HPSE2: variants seen among roughly 807,000 people sequenced by gnomAD.
The protein encoded by HPSE2 is heparanase 2 (inactive).
HPSE2 carries 38 observed loss-of-function variants against 60.5 expected under a neutral mutation model. The ratio of observed to expected loss-of-function variants is 0.63; its 90% CI spans 0.48 to 0.82. The LOEUF (loss-of-function observed/expected upper bound fraction) is 0.82, where lower values mean the gene tolerates loss of function less well. Among genes scored for constraint, HPSE2 ranks in the 40% least tolerant of loss-of-function variants. The pLI is 0.00. For synonymous variants in HPSE2, 295 were observed against 293.2 expected, an observed-to-expected ratio of 1.01 and a Z score of -0.06; for missense variants, 713 against 740.4, an observed-to-expected ratio of 0.96 and a Z score of 0.43.
chr10:98,670,722 T>C (rs777233602), intron 6 of HPSE2, among the ~76,000 whole-genome samples: 28 of 152,352 alleles, frequency 1.8e-4, no homozygotes, highest in Non-Finnish European at 3.5e-4. Flanking sequence ...ATTCCAGACA[T>C]TGTATAGAAG....
At chr10:99,271,511 G>T in the HPSE2 span, among the ~76,000 whole-genome samples, 1 of 152,118 alleles carries the variant, frequency 6.6e-6, no homozygotes, top group Non-Finnish European at 1.5e-5. Context: ...CAAACAAATG[G>T]AAACACATCC....
intron 1 of HPSE2, among the ~76,000 whole-genome samples, chr10:99,232,804 G>C (rs891085231): frequency 6.6e-6 from 1 of 152,270 alleles, no homozygotes; most frequent in Non-Finnish European, 1.5e-5. Flanking sequence ...TTCATAGAGT[G>C]TTTGTATGGG....
chr10:98,911,536 T>C (rs976173689), intron 3 of HPSE2, among the ~76,000 whole-genome samples: 2 of 152,062 alleles, frequency 1.3e-5, no homozygotes, highest in African/African-American at 4.8e-5. Flanking sequence ...ACAGAGACAT[T>C]AAGCATTCAC....
chr10:98,886,636 C>G (rs1953174070), intron 3 of HPSE2, among the ~76,000 whole-genome samples: 1 of 152,004 alleles, frequency 6.6e-6, no homozygotes, highest in Non-Finnish European at 1.5e-5. Flanking sequence ...TTCACTGATT[C>G]AACAAAGAAT....
At chr10:98,468,839 G>A (rs564878317) in intron 11 of HPSE2, among the ~76,000 whole-genome samples, 2 of 152,048 alleles carry the variant, frequency 1.3e-5, no homozygotes, top group Non-Finnish European at 2.9e-5. Context: ...CTGTTCCCTT[G>A]CCCTTCCAAC....
At chr10:98,735,052 A>T (rs1478251941) in intron 4 of HPSE2, among the ~76,000 whole-genome samples, 2 of 152,090 alleles carry the variant, frequency 1.3e-5, no homozygotes, top group Non-Finnish European at 2.9e-5. Flanking sequence ...CGTGTTATAC[A>T]GTTGTGTGAG....
chr10:99,038,737 G>T (rs573881965), intron 3 of HPSE2, among the ~76,000 whole-genome samples: 7 of 152,066 alleles, frequency 4.6e-5, no homozygotes, highest in Admixed American at 2.6e-4. Flanking sequence ...TCGGGAAGCC[G>T]GGTGAAGGAT....
At chr10:99,010,334 T>A (rs1469698097) in intron 3 of HPSE2, among the ~76,000 whole-genome samples, 1 of 152,318 alleles carries the variant, frequency 6.6e-6, no homozygotes. Context: ...TGTTTGAGAA[T>A]CTTCACCTTT....
At chr10:98,565,208 G>T (rs552841694) in intron 9 of HPSE2, among the ~76,000 whole-genome samples, 1 of 151,298 alleles carries the variant, frequency 6.6e-6, no homozygotes, top group Non-Finnish European at 1.5e-5. Flanking sequence ...CGCAGAACAT[G>T]CAGGTTTGCT....
chr10:98,907,029 T>G (rs1411163363), intron 3 of HPSE2, among the ~76,000 whole-genome samples: 1 of 152,222 alleles, frequency 6.6e-6, no homozygotes, highest in East Asian at 1.9e-4. Flanking sequence ...GCACGTAATC[T>G]TATTTAAATT....
At chr10:98,930,381 A>C (rs1954610714) in intron 3 of HPSE2, among the ~76,000 whole-genome samples, 1 of 144,346 alleles carries the variant, frequency 6.9e-6, no homozygotes, top group South Asian at 2.1e-4. Context: ...TATCCAGTCT[A>C]TCATTGATGA....
At chr10:98,723,611 C>G (rs11189774) in intron 4 of HPSE2, among the ~76,000 whole-genome samples, 22,204 of 152,054 alleles carry the variant, frequency 0.15, 1,971 homozygotes, top group Admixed American at 0.23. Context: ...TTTCTGATTG[C>G]TAAGCTCTTA....
intron 3 of HPSE2, among the ~76,000 whole-genome samples, chr10:99,099,035 AACAGCTCCAGTCT>A (rs1367831310): frequency 6.6e-6 from 1 of 152,206 alleles, no homozygotes; most frequent in African/African-American, 2.4e-5. Context: ...GCCAAATAGG[AACAGCTCCAGTCT>A]ACAGCTCCCA....
the HPSE2 span, among the ~76,000 whole-genome samples, chr10:99,309,985 T>G: frequency 6.6e-6 from 1 of 152,344 alleles, no homozygotes; most frequent in Non-Finnish European, 1.5e-5. Flanking sequence ...AAGTATCAAG[T>G]GGACCACACT....
chr10:98,921,177 T>C (rs1243659068), intron 3 of HPSE2, among the ~76,000 whole-genome samples: 2 of 152,180 alleles, frequency 1.3e-5, no homozygotes, highest in Non-Finnish European at 2.9e-5. Context: ...CATATGCTTG[T>C]TGTTAGGACT....
intron 3 of HPSE2, among the ~76,000 whole-genome samples, chr10:99,023,572 A>G (rs1429356809): frequency 6.6e-6 from 1 of 152,136 alleles, no homozygotes; most frequent in Non-Finnish European, 1.5e-5. Flanking sequence ...TTCAGGACTG[A>G]CCCAGCACAG....
intron 6 of HPSE2, among the ~76,000 whole-genome samples, chr10:98,689,357 G>A (rs1948014321): frequency 6.6e-6 from 1 of 151,966 alleles, no homozygotes; most frequent in South Asian, 2.1e-4. Context: ...TTTCTTCTGT[G>A]GTTTCCAATC....
At chr10:99,179,748 G>GA (rs149955639) in intron 2 of HPSE2, among the ~76,000 whole-genome samples, 79,630 of 146,388 alleles carry the variant, frequency 0.54, 22,951 homozygotes, top group East Asian at 0.65. Context: ...CACAGAATGA[G>GA]AAAAAAAAAA....
intron 3 of HPSE2, among the ~76,000 whole-genome samples, chr10:98,753,087 T>TA (rs778765772): frequency 1.3e-5 from 2 of 152,136 alleles, no homozygotes; most frequent in Non-Finnish European, 2.9e-5. Flanking sequence ...AAAGAATACA[T>TA]AATTACAGTT....
Sources: gnomAD v4.1 joint callset for allele counts (sites outside exome capture counted in the v4.1 genomes callset) on GRCh38, gnomAD v4.1.1 for gene constraint, MANE v1.5 for transcripts, NCBI Gene and HGNC (gene_info 2026-07-23, HGNC 2026-07-21) for gene names.